The following NETO2 variants were observed in gnomAD, a reference collection of about 807,000 sequenced individuals.
The protein encoded by NETO2 is neuropilin and tolloid-like protein 2.
NETO2 carries 28 observed loss-of-function variants against 62.5 expected under a neutral mutation model. The observed-to-expected ratio is 0.45, with a 90% CI of 0.33 to 0.61. The LOEUF (loss-of-function observed/expected upper bound fraction) is 0.61, where lower values mean the gene tolerates loss of function less well. Ranked by LOEUF, NETO2 falls within the 20% of genes least tolerant of loss-of-function variation. NETO2 has a pLI of 0.02. For synonymous variants in NETO2, 214 were observed against 219.1 expected, an observed-to-expected ratio of 0.98 and a Z score of 0.21; for missense variants, 548 against 643.2, an observed-to-expected ratio of 0.85 and a Z score of 1.60.
chr16:47,140,765 A>G (rs1476555545), intron 1 of NETO2, among the ~76,000 whole-genome samples: 1 of 152,198 alleles, frequency 6.6e-6, no homozygotes, highest in East Asian at 1.9e-4. Flanking sequence ...GGTGAAATGT[A>G]AGAATGAAAA....
intron 4 of NETO2, among the ~76,000 whole-genome samples, 179 bp from the exon 5 acceptor site, chr16:47,123,091 G>C (rs543676158): frequency 6.6e-6 from 1 of 152,084 alleles, no homozygotes; most frequent in Non-Finnish European, 1.5e-5. Context: ...ATTTAATCAC[G>C]TTTATATTTT....
At chr16:47,139,730 T>C (rs919310526) in intron 1 of NETO2, among the ~76,000 whole-genome samples, 2 of 152,250 alleles carry the variant, frequency 1.3e-5, no homozygotes, top group African/African-American at 4.8e-5. Context: ...CCAGCCTACA[T>C]ATGCTAATGA....
intron 1 of NETO2, 139 bp downstream of exon 1, chr16:47,143,440 C>T (rs1315951114): frequency 9.4e-7 from 1 of 1,062,748 alleles, no homozygotes; most frequent in African/African-American, 1.7e-5. Flanking sequence ...CGGTCCGCTC[C>T]GAGTAGCCGC....
intron 7 of NETO2, among the ~76,000 whole-genome samples, chr16:47,106,109 ACATGGATGAACCATGGAAAGATTT>A (rs534810335): frequency 0.021 from 3,156 of 152,276 alleles, 99 homozygotes; most frequent in African/African-American, 0.069. Context: ...ACATATGACC[ACATGGATGAACCATGGAAAGATTT>A]CATGGATGAA....
intron 6 of NETO2, among the ~76,000 whole-genome samples, chr16:47,119,477 A>C (rs1171530862): frequency 1.3e-5 from 2 of 151,406 alleles, no homozygotes; most frequent in South Asian, 2.1e-4. Flanking sequence ...TTTCTAGATC[A>C]ATCTTGGCAT....
At chr16:47,135,810 T>C (rs2151494039) in intron 1 of NETO2, among the ~76,000 whole-genome samples, 1 of 152,226 alleles carries the variant, frequency 6.6e-6, no homozygotes, top group East Asian at 1.9e-4. Context: ...GTGGCAATTC[T>C]AGTGAATGCA....
At chr16:47,132,726 G>T (rs183235879) in intron 1 of NETO2, among the ~76,000 whole-genome samples, 1 of 152,198 alleles carries the variant, frequency 6.6e-6, no homozygotes, top group Non-Finnish European at 1.5e-5. Context: ...AGCCTGTCCC[G>T]AACTACTGCG....
chr16:47,131,853 G>T, intron 2 of NETO2, 116 bp downstream of exon 2: 1 of 799,528 alleles, frequency 1.3e-6, no homozygotes, highest in Non-Finnish European at 2.2e-6. Flanking sequence ...GAAAGCCTTA[G>T]GTCACTGGAA....
chr16:47,113,941 T>A (rs1963855431), intron 6 of NETO2, among the ~76,000 whole-genome samples: 1 of 152,218 alleles, frequency 6.6e-6, no homozygotes, highest in Non-Finnish European at 1.5e-5. Flanking sequence ...AGTTTTTGGT[T>A]ATTACAGATA....
intron 7 of NETO2, among the ~76,000 whole-genome samples, chr16:47,100,852 A>G (rs946710504): frequency 6.6e-6 from 1 of 152,206 alleles, no homozygotes; most frequent in Non-Finnish European, 1.5e-5. Flanking sequence ...AGATGGATTC[A>G]CACCCAAATT....
chr16:47,085,428 C>A lies in NETO2; in HGVS notation c.997+798G>T, dbSNP rs145708746. Among the ~76,000 whole-genome samples the A allele has an allele frequency of 9.9e-5, 15 of 151,980 alleles. No homozygotes were observed. The East Asian group carries it at 2.7e-3, about 28-fold the overall frequency. Reference sequence around the variant, plus strand: ...GGAGTTTTCACTTTTGTTGCCCAAGCTGGAGTGCAATGGCGCAATCTCGGC... The same window carrying A: ...GGAGTTTTCACTTTTGTTGCCCAAGATGGAGTGCAATGGCGCAATCTCGGC... On this transcript the variant is annotated intron_variant, in intron 8 of 8. Transcript: ENST00000562435.
rs189411078 is a variant in NETO2, at chr16:47,141,706, G to A, written c.34+1873C>T. On this transcript the variant is annotated intron_variant, in intron 1 of 8. Coordinates refer to ENST00000562435, the MANE Select transcript of NETO2 (RefSeq NM_018092.5). ...TAGCAGCAACAACAATAATAATTCA[G>A]CTTGAGCTTTAAAAATACTCCAGCA... Among the ~76,000 whole-genome samples the A allele has an allele frequency of 2.1e-4, 32 of 152,284 alleles. No homozygotes were observed. In the East Asian group the frequency reaches 5.8e-3, roughly 28 times the overall value.
chr16:47,113,560 C>T (rs534507588), intron 6 of NETO2, among the ~76,000 whole-genome samples: 131 of 145,470 alleles, frequency 9.0e-4, no homozygotes, highest in African/African-American at 3.0e-3. Context: ...ATAGATGTTA[C>T]TATATGGATG....
chr16:47,123,583 G>A (rs1372801225), intron 4 of NETO2, among the ~76,000 whole-genome samples: 1 of 152,004 alleles, frequency 6.6e-6, no homozygotes, highest in Non-Finnish European at 1.5e-5. Context: ...TATAAACACA[G>A]GTATCTTTAA....
chr16:47,143,485 GGGCGCGGGTAAGGGACGCAGA>G (rs1964508324), intron 1 of NETO2, 73 bp downstream of exon 1: 3 of 1,196,240 alleles, frequency 2.5e-6, no homozygotes, highest in Non-Finnish European at 2.1e-6. Context: ...GTCGGGTCCC[GGGCGCGGGTAAGGGACGCAGA>G]GGCGCGGGCA....
rs1964357017 is a variant in NETO2 at position 47,136,073 on chromosome 16, G to C, written c.35-4048C>G. Among the ~76,000 whole-genome samples, 5 of 152,048 alleles carry C rather than the reference G, an allele frequency of 3.3e-5. No individual in the cohort carries two copies. The South Asian group carries it at 1.0e-3, about 32-fold the overall frequency. On this transcript the variant is annotated intron_variant, in intron 1 of 8. Coordinates refer to ENST00000562435, the MANE Select transcript of NETO2 (RefSeq NM_018092.5). Reference sequence around the variant, plus strand: ...TAATATTTTAATCAAACTCTTAGTGGGTCCTGTTTTTGGACTTAACAAAAC... The same window carrying C: ...TAATATTTTAATCAAACTCTTAGTGCGTCCTGTTTTTGGACTTAACAAAAC...
At chr16:47,086,985 C>T (rs887650747) in intron 7 of NETO2, among the ~76,000 whole-genome samples, 2 of 151,936 alleles carry the variant, frequency 1.3e-5, no homozygotes, top group African/African-American at 4.8e-5. Flanking sequence ...ATACATACAA[C>T]ATGGACAAAG....
chr16:47,105,025 T>TTTTTC (rs1555497178), intron 7 of NETO2, among the ~76,000 whole-genome samples: 1 of 151,772 alleles, frequency 6.6e-6, no homozygotes, highest in African/African-American at 2.4e-5. Context: ...TGGCCTTTTT[T>TTTTTC]TTTTTCTTTT....
At chr16:47,132,829 G>A (rs1045694026) in intron 1 of NETO2, among the ~76,000 whole-genome samples, 5 of 152,256 alleles carry the variant, frequency 3.3e-5, no homozygotes, top group East Asian at 1.9e-4. Context: ...GAGAGAAATC[G>A]AGCAAAATGG....
Sources: allele counts gnomAD v4.1 joint callset (sites outside exome capture counted in the v4.1 genomes callset), GRCh38; gene constraint gnomAD v4.1.1; transcripts MANE v1.5; gene names NCBI Gene and HGNC (gene_info 2026-07-23, HGNC 2026-07-21).